The following INO80D variants were observed in gnomAD, a reference collection of about 807,000 sequenced individuals.
INO80D encodes the protein INO80 complex subunit D.
A neutral mutation model predicts 87.6 loss-of-function variants in INO80D; 21 were observed. The ratio of observed to expected loss-of-function variants is 0.24; its 90% CI spans 0.17 to 0.35. INO80D has a LOEUF of 0.35. Among genes scored for constraint, INO80D ranks in the 10% least tolerant of loss-of-function variants. INO80D has a pLI of 1.00. For missense variants in INO80D, 982 were observed against 1,280.7 expected, an observed-to-expected ratio of 0.77 and a Z score of 3.56; for synonymous variants, 440 against 491.0, an observed-to-expected ratio of 0.90 and a Z score of 1.37.
At chr2:206,075,423 A>C (rs1332427279) in intron 1 of INO80D, among the ~76,000 whole-genome samples, 2 of 150,940 alleles carry the variant, frequency 1.3e-5, no homozygotes, top group Non-Finnish European at 2.9e-5. Flanking sequence ...GCCTAGATCT[A>C]CAACATACCT....
chr2:206,055,626 G>A (rs569414323), intron 4 of INO80D, among the ~76,000 whole-genome samples: 163 of 152,216 alleles, frequency 1.1e-3, no homozygotes, highest in Non-Finnish European at 2.0e-3. Context: ...TAAAAGCTGC[G>A]TGTGGAATTC....
At chr2:206,013,336 G>A (rs548821632) in intron 8 of INO80D, among the ~76,000 whole-genome samples, 1 of 152,170 alleles carries the variant, frequency 6.6e-6, no homozygotes, top group Non-Finnish European at 1.5e-5. Flanking sequence ...GGCGGATCAT[G>A]AGGTCAGGAG....
intron 4 of INO80D, among the ~76,000 whole-genome samples, chr2:206,048,792 A>C (rs1304295818): frequency 6.6e-6 from 1 of 152,160 alleles, no homozygotes; most frequent in East Asian, 1.9e-4. Context: ...TATTCAGGAG[A>C]CTGAGGCAGG....
intron 1 of INO80D, among the ~76,000 whole-genome samples, chr2:206,083,494 C>G (rs1016522328): frequency 6.6e-6 from 1 of 152,068 alleles, no homozygotes; most frequent in Non-Finnish European, 1.5e-5. Flanking sequence ...AAACTTAAAA[C>G]AACCATTAAA....
chr2:206,054,757 G>GC (rs1689469271), intron 4 of INO80D, among the ~76,000 whole-genome samples: 1 of 151,214 alleles, frequency 6.6e-6, no homozygotes, highest in Admixed American at 6.6e-5. Context: ...CAGGTGATCT[G>GC]CCCACCTCAG....
Position 206,050,269 on chromosome 2 carries a change from G to A in INO80D, c.965-3657C>T, listed in dbSNP as rs563366278. On this transcript the variant is annotated intron_variant, in intron 4 of 10. Transcript: ENST00000403263. ...GCACTTTGGGAAGCCGAGGCGGGCA[G>A]ATCACAAGATTAGGAGTTCAAGACC... Among the ~76,000 whole-genome samples the A allele has an allele frequency of 2.0e-5, 3 of 151,724 alleles. No homozygotes were observed. In the East Asian group the frequency reaches 5.9e-4, roughly 30 times the overall value.
chr2:206,057,044 C>G, intron 3 of INO80D, 101 bp from the exon 4 acceptor site: 1 of 1,166,666 alleles, frequency 8.6e-7, no homozygotes, highest in Non-Finnish European at 1.2e-6. Flanking sequence ...AATTGCGTCA[C>G]TATAGTGACT....
At chr2:206,040,335 T>G (rs1689012872) in intron 5 of INO80D, 1 of 150,358 alleles carries the variant, frequency 6.7e-6, no homozygotes, top group South Asian at 2.1e-4. Context: ...ACTAGTGAAT[T>G]ATACTAAAAC....
chr2:206,024,536 T>C (rs1185290733), intron 6 of INO80D, among the ~76,000 whole-genome samples: 1 of 152,056 alleles, frequency 6.6e-6, no homozygotes, highest in African/African-American at 2.4e-5. Context: ...TATGGTATAT[T>C]AGATACTTCA....
At chr2:206,009,222 C>T (rs1360540517) in intron 9 of INO80D, among the ~76,000 whole-genome samples, 6 of 152,260 alleles carry the variant, frequency 3.9e-5, no homozygotes, top group East Asian at 1.9e-4. Context: ...GCAGAAGAAT[C>T]GCTTGAACCC....
intron 5 of INO80D, among the ~76,000 whole-genome samples, chr2:206,034,613 T>C (rs2105844522): frequency 6.6e-6 from 1 of 151,354 alleles, no homozygotes; most frequent in South Asian, 2.1e-4. Flanking sequence ...AAAAGCCATC[T>C]ATAACAAACC....
Position 206,007,425 on chromosome 2 carries a change from C to T in INO80D, c.1777G>A (p.Glu593Lys). 7 of 1,611,876 alleles carry T rather than the reference C, an allele frequency of 4.3e-6. No homozygotes were observed. The highest frequency in any genetic ancestry group is 5.9e-6 in the Non-Finnish European group (7 of 1,179,206). ...ASHIRSPSTP[E>K]LSADELPDDI... is the part of the protein sequence containing the mutation. ...TCCGGCAACTCATCAGCACTCAGCT[C>T]TGGCGTGGATGGGCTCCTGGGAAAG... The change falls in exon 10 of 11, where the codon GAG becomes AAG. Residue 593 changes from glutamate to lysine, a missense_variant. Transcript: ENST00000403263.
chr2:206,031,662 G>C (rs1463808982), intron 5 of INO80D, among the ~76,000 whole-genome samples: 1 of 152,230 alleles, frequency 6.6e-6, no homozygotes, highest in Non-Finnish European at 1.5e-5. Flanking sequence ...AAATAGTGGA[G>C]TGATCATCAT....
Position 206,062,793 on chromosome 2 carries a change from C to A in INO80D, c.218+6G>T. On this transcript the variant is annotated splice_donor_region_variant and intron_variant, in intron 3 of 10. Transcript: ENST00000403263. The surrounding 1 kb of genome is among the most constrained non-coding windows in gnomAD (Gnocchi z 4.6). Reference sequence around the variant, plus strand: ...TCAAGGATTGATTCTCATGATTAGCCCTTACCTACGATCCTCTGATTTGGG... The same window carrying A: ...TCAAGGATTGATTCTCATGATTAGCACTTACCTACGATCCTCTGATTTGGG... 1 of 1,596,278 alleles carries A rather than the reference C, an allele frequency of 6.3e-7. No homozygotes were observed. The highest frequency in any genetic ancestry group is 1.1e-5 in the South Asian group (1 of 88,322).
Position 206,003,109 on chromosome 2 carries a change from T to C in INO80D, c.*1259A>G, listed in dbSNP as rs1687934025. 1 of 152,234 alleles carries C rather than the reference T, an allele frequency of 6.6e-6. No individual in the cohort carries two copies. The highest frequency in any genetic ancestry group is 6.5e-5 in the Admixed American group (1 of 15,282). The allele number at this position is 152,234 out of a possible 1,614,324, so 9.4% of individuals were successfully genotyped here. ...ACTTAAACCCAAGTACTTGAATTATTTTAAAAGGACCAAAGGGCGAATAAA... is the reference window on the plus strand; with the variant it reads ...ACTTAAACCCAAGTACTTGAATTATCTTAAAAGGACCAAAGGGCGAATAAA... On this transcript the variant is annotated 3_prime_UTR_variant, in exon 11 of 11. Coordinates refer to ENST00000403263, the MANE Select transcript of INO80D (RefSeq NM_017759.5).
At chr2:206,020,506 G>A (rs532713526) in intron 6 of INO80D, among the ~76,000 whole-genome samples, 12 of 152,234 alleles carry the variant, frequency 7.9e-5, no homozygotes, top group African/African-American at 2.4e-4. Flanking sequence ...ATACTGATAC[G>A]CAGAAATGGC....
chr2:206,079,968 C>T (rs1690229508), intron 1 of INO80D, among the ~76,000 whole-genome samples: 1 of 152,194 alleles, frequency 6.6e-6, no homozygotes. Context: ...TCGCTTAGGA[C>T]AGAAACTTCC....
chr2:206,020,654 T>A (rs956970099), intron 6 of INO80D, among the ~76,000 whole-genome samples: 4 of 152,176 alleles, frequency 2.6e-5, no homozygotes, highest in Admixed American at 6.6e-5. Flanking sequence ...ATATTTTAAC[T>A]CATTTAAAAT....
At chr2:206,057,550 G>A (rs1332414484) in intron 3 of INO80D, among the ~76,000 whole-genome samples, 1 of 152,108 alleles carries the variant, frequency 6.6e-6, no homozygotes, top group East Asian at 1.9e-4. Context: ...GTACCTACCT[G>A]CAGTAGGCGC....
Sources: gnomAD v4.1 joint callset for allele counts (sites outside exome capture counted in the v4.1 genomes callset) on GRCh38, gnomAD v4.1.1 for gene constraint, Gnocchi (gnomAD v3.1) non-coding constraint, MANE v1.5 for transcripts, NCBI Gene and HGNC (gene_info 2026-07-23, HGNC 2026-07-21) for gene names.